Variants in PLA2R1 observed in about 807,000 individuals in gnomAD.
The protein encoded by PLA2R1 is secretory phospholipase A2 receptor.
In PLA2R1, 158 loss-of-function variants were observed where a neutral mutation model predicts 195.9. That is an observed-to-expected ratio of 0.81 (90% CI 0.71 to 0.92). The LOEUF (loss-of-function observed/expected upper bound fraction) is 0.92, where lower values mean the gene tolerates loss of function less well. PLA2R1 is among the 40% of genes least tolerant of loss of function. PLA2R1 has a pLI of 0.00. For synonymous variants in PLA2R1, 586 were observed against 598.2 expected (o/e 0.98, Z 0.30); for missense variants, 1,626 against 1,764.6 (o/e 0.92, Z 1.41).
chr2:159,997,739 G>A (rs909136392), intron 11 of PLA2R1, among the ~76,000 whole-genome samples: 2 of 152,094 alleles, frequency 1.3e-5, no homozygotes, highest in African/African-American at 4.8e-5. Context: ...TTCTGATCCA[G>A]GAAGCTGTGA....
At chr2:160,022,007 T>A (rs779088114) in intron 7 of PLA2R1, among the ~76,000 whole-genome samples, 1 of 152,216 alleles carries the variant, frequency 6.6e-6, no homozygotes, top group African/African-American at 2.4e-5. Context: ...GAAGGATGCA[T>A]GTTTTTACTC....
chr2:160,055,531 G>A (rs184045330), intron 1 of PLA2R1, among the ~76,000 whole-genome samples: 3 of 152,292 alleles, frequency 2.0e-5, no homozygotes, highest in East Asian at 3.9e-4. Flanking sequence ...AGAACAAGAG[G>A]CTGGCCTCCT....
Position 160,062,476 on chromosome 2 carries a change from C to G in PLA2R1, c.-73G>C. On this transcript the variant is annotated 5_prime_UTR_variant, in exon 1 of 30. Transcript: ENST00000283243. The stretch of plus-strand genomic sequence containing the variant: ...ATCCCGGGAGCCCAGAGCCGCGTCC[C>G]AAGCACCCGGCCCCGCCGCGCGGAA... 1 of 1,450,424 alleles carries G rather than the reference C, an allele frequency of 6.9e-7. No individual in the cohort carries two copies. The highest frequency in any genetic ancestry group is 9.0e-7 in the Non-Finnish European group (1 of 1,105,532). The allele number at this position is 1,450,424 out of a possible 1,614,324, so 89.8% of individuals were successfully genotyped here.
intron 17 of PLA2R1, among the ~76,000 whole-genome samples, chr2:159,974,496 C>T (rs1689405433): frequency 6.6e-6 from 1 of 152,150 alleles, no homozygotes; most frequent in Non-Finnish European, 1.5e-5. Flanking sequence ...GGGTTGTATA[C>T]TTTGCATGCG....
chr2:160,005,500 A>C (rs1558907474), intron 11 of PLA2R1, 152 bp downstream of exon 11: 3 of 571,316 alleles, frequency 5.3e-6, no homozygotes, highest in Non-Finnish European at 9.3e-6. Context: ...GATCAGCCAT[A>C]TGTCACCCCC....
At chr2:160,007,438 C>T (rs1027646588) in intron 10 of PLA2R1, among the ~76,000 whole-genome samples, 19 of 152,234 alleles carry the variant, frequency 1.2e-4, no homozygotes, top group African/African-American at 4.6e-4. Context: ...ACACCCCCAT[C>T]CTGTGCTTGT....
intron 1 of PLA2R1, among the ~76,000 whole-genome samples, chr2:160,058,819 A>T (rs745727971): frequency 6.6e-6 from 1 of 152,138 alleles, no homozygotes; most frequent in Non-Finnish European, 1.5e-5. Context: ...ACAGAAGACA[A>T]ATTTTCCACA....
At chr2:159,984,161 A>G in intron 12 of PLA2R1, 88 bp from the exon 13 acceptor site, 3 of 616,042 alleles carry the variant, frequency 4.9e-6, no homozygotes, top group South Asian at 2.6e-5. Flanking sequence ...TAATATTAAC[A>G]TAATCATCAT....
chr2:160,008,077 A>C (rs114665360), intron 10 of PLA2R1, among the ~76,000 whole-genome samples: 1,936 of 152,338 alleles, frequency 0.013, 27 homozygotes, highest in African/African-American at 0.044. Context: ...TGAGGCAGGC[A>C]GCCTGCTTGA....
chr2:159,967,174 T>C (rs1688843534), intron 20 of PLA2R1, among the ~76,000 whole-genome samples: 1 of 152,062 alleles, frequency 6.6e-6, no homozygotes, highest in Non-Finnish European at 1.5e-5. Flanking sequence ...TACATACACG[T>C]GCACACACAC....
intron 26 of PLA2R1, 55 bp from the exon 27 acceptor site, chr2:159,946,972 TA>T (rs1004172365): frequency 9.0e-7 from 1 of 1,111,326 alleles, no homozygotes; most frequent in East Asian, 2.5e-5. Flanking sequence ...AAATATACTT[TA>T]AAAAATGTTT....
At chr2:159,955,069 A>G in intron 23 of PLA2R1, 130 bp downstream of exon 23, 1 of 663,004 alleles carries the variant, frequency 1.5e-6, no homozygotes, top group Non-Finnish European at 2.6e-6. Context: ...TGTAAAGCCA[A>G]AGAAGAAGTG....
chr2:159,961,616 C>T (rs1362585727), intron 20 of PLA2R1, among the ~76,000 whole-genome samples: 2 of 152,108 alleles, frequency 1.3e-5, no homozygotes, highest in East Asian at 1.9e-4. Context: ...CTTCAGAAGG[C>T]GCCTCCCCTC....
downstream of PLA2R1, among the ~76,000 whole-genome samples, chr2:159,930,971 C>A (rs1381160374): frequency 6.6e-6 from 1 of 152,152 alleles, no homozygotes; most frequent in Non-Finnish European, 1.5e-5. Flanking sequence ...TATTTATGCT[C>A]AGATCTATTC....
At chr2:159,945,295 C>T (rs925232049) in intron 27 of PLA2R1, among the ~76,000 whole-genome samples, 1 of 151,746 alleles carries the variant, frequency 6.6e-6, no homozygotes, top group South Asian at 2.1e-4. Context: ...TGCGCTGCAC[C>T]CACTAACTCG....
At chr2:160,061,879 T>C (rs996354938) in intron 1 of PLA2R1, among the ~76,000 whole-genome samples, 8 of 152,156 alleles carry the variant, frequency 5.3e-5, no homozygotes, top group African/African-American at 1.9e-4. Flanking sequence ...GAGCGCTTGC[T>C]TTGCAAGGGG....
At chr2:160,025,370 T>C (rs1693430389) in intron 6 of PLA2R1, among the ~76,000 whole-genome samples, 1 of 151,428 alleles carries the variant, frequency 6.6e-6, no homozygotes, top group Non-Finnish European at 1.5e-5. Flanking sequence ...AATAAATAAG[T>C]AAATAAATAA....
chr2:160,007,242 G>A (rs1692048846), intron 10 of PLA2R1, among the ~76,000 whole-genome samples: 1 of 152,096 alleles, frequency 6.6e-6, no homozygotes, highest in African/African-American at 2.4e-5. Flanking sequence ...AATAATATAC[G>A]ATCTGCTTTT....
intron 1 of PLA2R1, among the ~76,000 whole-genome samples, chr2:160,048,296 T>C (rs1443175463): frequency 6.6e-6 from 1 of 152,238 alleles, no homozygotes; most frequent in African/African-American, 2.4e-5. Context: ...GCTACTTATA[T>C]TTCCACACCA....
Sources: gnomAD v4.1 joint callset for allele counts (sites outside exome capture counted in the v4.1 genomes callset) on GRCh38, gnomAD v4.1.1 for gene constraint, MANE v1.5 for transcripts, NCBI Gene and HGNC (gene_info 2026-07-23, HGNC 2026-07-21) for gene names.